Variants in PRKN observed in about 807,000 individuals in gnomAD.
PRKN encodes the protein parkin RBR E3 ubiquitin protein ligase, also known as E3 ubiquitin-protein ligase parkin.
A neutral mutation model predicts 59.5 loss-of-function variants in PRKN; 56 were observed. The observed-to-expected ratio is 0.94, with a 90% CI of 0.76 to 1.18. The LOEUF is 1.18. Among genes scored for constraint, PRKN ranks in the 50% most tolerant of loss-of-function variants. PRKN has a pLI of 0.00. For missense variants in PRKN, 657 were observed against 596.4 expected (o/e 1.10, Z -1.06); for synonymous variants, 250 against 222.1 (o/e 1.13, Z -1.12).
At chr6:161,658,916 G>T (rs935815911) in intron 7 of PRKN, among the ~76,000 whole-genome samples, 33 of 152,340 alleles carry the variant, frequency 2.2e-4, no homozygotes, top group African/African-American at 7.9e-4. Context: ...AATTCTGTCT[G>T]TCTAGAAGAT....
In PRKN at chr6:162,564,763, T is replaced by G. The variant is rs537104948; in HGVS notation, c.8-121290A>C. Reference sequence around the variant, plus strand: ...ATAGTGTATCTGGCAAAACTATCCTTTAAACATGAAGGAGAAATAAAGACT... The same window carrying G: ...ATAGTGTATCTGGCAAAACTATCCTGTAAACATGAAGGAGAAATAAAGACT... On this transcript the variant is annotated intron_variant, in intron 1 of 11. Transcript: ENST00000366898. Among the ~76,000 whole-genome samples the G allele has an allele frequency of 8.6e-5, 13 of 152,008 alleles. No individual in the cohort carries two copies. The South Asian group carries it at 2.7e-3, about 32-fold the overall frequency.
At chr6:162,597,776 G>A (rs964450614) in intron 1 of PRKN, among the ~76,000 whole-genome samples, 2 of 152,064 alleles carry the variant, frequency 1.3e-5, no homozygotes, top group Non-Finnish European at 2.9e-5. Context: ...ACCAGGGCCT[G>A]GTCCCCCACA....
chr6:162,272,416 A>G (rs910321266), intron 2 of PRKN, among the ~76,000 whole-genome samples: 1 of 152,126 alleles, frequency 6.6e-6, no homozygotes, highest in Admixed American at 6.6e-5. Flanking sequence ...ACACTTTAAA[A>G]TATATATATT....
intron 7 of PRKN, among the ~76,000 whole-genome samples, chr6:161,690,271 G>A (rs527801956): frequency 3.3e-5 from 5 of 152,224 alleles, no homozygotes; most frequent in South Asian, 2.1e-4. Flanking sequence ...GCACTGCTGC[G>A]CACCCTCCTT....
chr6:162,498,876 T>G (rs73608417), intron 1 of PRKN, among the ~76,000 whole-genome samples: 3,427 of 152,232 alleles, frequency 0.023, 126 homozygotes, highest in African/African-American at 0.079. Context: ...CCTTCATGTA[T>G]AGGCAAGATG....
At chr6:162,073,771 T>C (rs73032227) in intron 4 of PRKN, among the ~76,000 whole-genome samples, 5,759 of 152,304 alleles carry the variant, frequency 0.038, 146 homozygotes, top group Non-Finnish European at 0.054. Context: ...TTTTAAAACA[T>C]AATTTGGCAG....
At chr6:161,737,795 A>G (rs968817508) in intron 7 of PRKN, among the ~76,000 whole-genome samples, 4 of 152,190 alleles carry the variant, frequency 2.6e-5, no homozygotes, top group African/African-American at 9.6e-5. Flanking sequence ...TCAAAAAGCA[A>G]TCGCTGTTCA....
At chr6:162,633,705 G>A (rs535633357) in intron 1 of PRKN, among the ~76,000 whole-genome samples, 257 of 152,086 alleles carry the variant, frequency 1.7e-3, no homozygotes, top group Non-Finnish European at 2.3e-3. Flanking sequence ...CTTTCCGTGG[G>A]ACCCTGAATG....
At chr6:162,650,256 A>G (rs1484440226) in intron 1 of PRKN, among the ~76,000 whole-genome samples, 1 of 152,132 alleles carries the variant, frequency 6.6e-6, no homozygotes, top group African/African-American at 2.4e-5. Flanking sequence ...TGACCACAGG[A>G]GCTGCAACTG....
At chr6:162,710,928 A>T (rs995415030) in intron 1 of PRKN, among the ~76,000 whole-genome samples, 2 of 152,224 alleles carry the variant, frequency 1.3e-5, no homozygotes, top group Non-Finnish European at 2.9e-5. Flanking sequence ...CAGTGCATCC[A>T]GCCCTAGCAT....
intron 6 of PRKN, among the ~76,000 whole-genome samples, chr6:161,860,881 T>G (rs936266422): frequency 6.6e-6 from 1 of 152,172 alleles, no homozygotes; most frequent in African/African-American, 2.4e-5. Context: ...CACAATGAGA[T>G]ACCATCTTAC....
chr6:161,403,703 G>T (rs1376002491), intron 9 of PRKN, among the ~76,000 whole-genome samples: 2 of 152,122 alleles, frequency 1.3e-5, no homozygotes. Context: ...GGATTGCTAT[G>T]GTTTGAATGC....
At chr6:161,979,537 G>A (rs957739889) in intron 5 of PRKN, among the ~76,000 whole-genome samples, 1 of 152,160 alleles carries the variant, frequency 6.6e-6, no homozygotes, top group Non-Finnish European at 1.5e-5. Flanking sequence ...GCCTTTCAAA[G>A]TGCTGGGAAA....
At chr6:162,716,772 G>GCACA in intron 1 of PRKN, among the ~76,000 whole-genome samples, 1 of 134,694 alleles carries the variant, frequency 7.4e-6, no homozygotes, top group South Asian at 2.3e-4. Flanking sequence ...GCGCGCGCAC[G>GCACA]CACACACACA....
Position 161,545,083 on chromosome 6 carries a change from A to G in PRKN, c.1083+3771T>C, listed in dbSNP as rs961971619. ...TCAACACATGGGTGTCTAGCTCCGA[A>G]CAATTTTAAATCCCACAAATGACAG... On this transcript the variant is annotated intron_variant, in intron 9 of 11. Coordinates refer to ENST00000366898, the MANE Select transcript of PRKN (RefSeq NM_004562.3). The surrounding 1 kb of genome is among the most constrained non-coding windows in gnomAD (Gnocchi z 4.1). 1.6e-5 allele frequency: 18 copies of G among 1,091,690 alleles called. No individual in the cohort carries two copies. In the African/African-American group the frequency reaches 2.5e-4, roughly 15 times the overall value. 67.6% of individuals were successfully genotyped at this position (1,091,690 alleles called of 1,614,324 possible). A position where few individuals can be genotyped will look rare whatever the true frequency, so the allele number is the denominator to read the frequency against.
chr6:162,249,735 C>T (rs758038372), intron 3 of PRKN, among the ~76,000 whole-genome samples: 33 of 152,106 alleles, frequency 2.2e-4, no homozygotes, highest in Admixed American at 6.6e-4. Context: ...CAAACTCAAG[C>T]AGGCCTATCT....
intron 6 of PRKN, among the ~76,000 whole-genome samples, chr6:161,800,228 G>T (rs1368082696): frequency 6.6e-6 from 1 of 152,070 alleles, no homozygotes; most frequent in African/African-American, 2.4e-5. Context: ...CAGTGGAGAG[G>T]GAGAGGCAAC....
chr6:162,652,472 A>G (rs1778481572), intron 1 of PRKN, among the ~76,000 whole-genome samples: 1 of 152,176 alleles, frequency 6.6e-6, no homozygotes. Flanking sequence ...AATATGTTCA[A>G]TTAGTTCCTT....
intron 6 of PRKN, among the ~76,000 whole-genome samples, chr6:161,858,100 C>G (rs57321208): frequency 2.0e-5 from 3 of 151,996 alleles, no homozygotes; most frequent in African/African-American, 7.2e-5. Context: ...AAAGCAGGTA[C>G]TAATAATGGA....
Sources: gnomAD v4.1 joint callset for allele counts (sites outside exome capture counted in the v4.1 genomes callset) on GRCh38, gnomAD v4.1.1 for gene constraint, Gnocchi (gnomAD v3.1) non-coding constraint, MANE v1.5 for transcripts, NCBI Gene and HGNC (gene_info 2026-07-23, HGNC 2026-07-21) for gene names.